Variants in FAM184A observed in about 807,000 individuals in gnomAD.
FAM184A encodes the protein family with sequence similarity 184 member A.
A neutral mutation model predicts 143.8 loss-of-function variants in FAM184A; 99 were observed. That is an observed-to-expected ratio of 0.69 (90% CI 0.58 to 0.81). The LOEUF is 0.81. Ranked by LOEUF, FAM184A falls within the 40% of genes least tolerant of loss-of-function variation. The pLI, the probability that FAM184A is intolerant of heterozygous loss-of-function variation, is 0.00. For synonymous variants in FAM184A, 427 were observed against 446.4 expected (o/e 0.96, Z 0.55); for missense variants, 1,217 against 1,310.5 (o/e 0.93, Z 1.10).
chr6:119,138,879 G>A (rs1343715783), intron 1 of FAM184A, among the ~76,000 whole-genome samples: 8 of 152,004 alleles, frequency 5.3e-5, no homozygotes, highest in Admixed American at 1.3e-4. Context: ...TGCCCTCTTC[G>A]GCCTCCAAAA....
chr6:119,141,784 T>G (rs1258072147), intron 1 of FAM184A, among the ~76,000 whole-genome samples: 3 of 152,020 alleles, frequency 2.0e-5, no homozygotes, highest in African/African-American at 7.3e-5. Context: ...GCCCCTGTGC[T>G]CCTTAAAAAA....
intron 12 of FAM184A, 87 bp downstream of exon 12, chr6:118,975,830 T>A: frequency 4.7e-6 from 6 of 1,279,446 alleles, no homozygotes; most frequent in Non-Finnish European, 5.4e-6. Flanking sequence ...TGAAAATAAG[T>A]TATTACAAAA....
chr6:119,078,070 T>C lies in FAM184A; in HGVS notation c.159+71A>G. On this transcript the variant is annotated intron_variant, in intron 1 of 17. Coordinates refer to ENST00000338891, the MANE Select transcript of FAM184A (RefSeq NM_024581.6). The surrounding 1 kb of genome is among the most constrained non-coding windows in gnomAD (Gnocchi z 5.5). ...CGCTGCGGGCGCAGGGCGCACTGCCTCCCGGGGAGACAGGTGAGTCCGGCG... is the reference window on the plus strand; with the variant it reads ...CGCTGCGGGCGCAGGGCGCACTGCCCCCCGGGGAGACAGGTGAGTCCGGCG... 1 of 1,510,718 alleles carries C rather than the reference T, an allele frequency of 6.6e-7. No homozygotes were observed. Among genetic ancestry groups the C allele is most frequent in the Non-Finnish European group, 8.8e-7 (1 of 1,130,616 alleles). 93.6% of individuals were successfully genotyped at this position (1,510,718 alleles called of 1,614,324 possible).
intron 9 of FAM184A, among the ~76,000 whole-genome samples, chr6:118,985,700 G>A (rs1784170749): frequency 1.3e-5 from 2 of 152,102 alleles, no homozygotes; most frequent in African/African-American, 2.4e-5. Context: ...AGCCCCTCTC[G>A]TAGCACCTAC....
At chr6:119,052,381 A>G (rs951292600) in intron 1 of FAM184A, among the ~76,000 whole-genome samples, 2 of 152,158 alleles carry the variant, frequency 1.3e-5, no homozygotes, top group African/African-American at 2.4e-5. Context: ...ATACATCATG[A>G]TGTCTGCACT....
chr6:119,035,096 A>T (rs914902184), intron 1 of FAM184A, among the ~76,000 whole-genome samples: 32 of 152,112 alleles, frequency 2.1e-4, no homozygotes, highest in East Asian at 3.9e-4. Flanking sequence ...GATTTTTTTT[A>T]AAAGGCTGTG....
chr6:118,968,545 A>G (rs117968859), intron 14 of FAM184A, among the ~76,000 whole-genome samples: 2,174 of 152,330 alleles, frequency 0.014, 101 homozygotes, highest in Admixed American at 0.087. Context: ...ATGGGCAAAC[A>G]TTAAGAGTCG....
chr6:119,092,107 G>A (rs1582608416), intron 1 of FAM184A, among the ~76,000 whole-genome samples: 1 of 152,136 alleles, frequency 6.6e-6, no homozygotes, highest in Non-Finnish European at 1.5e-5. Flanking sequence ...ACTCTTATTC[G>A]TATATCCACA....
At chr6:119,126,030 T>G (rs1188596408) in intron 1 of FAM184A, among the ~76,000 whole-genome samples, 1 of 152,232 alleles carries the variant, frequency 6.6e-6, no homozygotes, top group East Asian at 1.9e-4. Flanking sequence ...CTAGGTTCCT[T>G]GTTCAGGGTC....
rs747729184 is a variant in FAM184A at position 119,024,524 on chromosome 6, C to T, written c.449G>A (p.Arg150His). 5.6e-6 allele frequency: 9 copies of T among 1,613,916 alleles called. No homozygotes were observed. The East Asian group carries it at 8.9e-5, about 16-fold the overall frequency. Residue 150 changes from arginine (R) to histidine (H), a missense_variant, in exon 2 of 18, where the codon CGC becomes CAC. Arg to His is a conservative substitution (Grantham distance 29). Coordinates refer to ENST00000338891, the MANE Select transcript of FAM184A (RefSeq NM_024581.6). ...GACTTCTCTAGACATGGTCACTATG[C>T]GTTGGACATGCTGGGCTTCTGCACA... ...QLCAEAQHVQ[R>H]IVTMSREVEE...
chr6:118,988,544 TTG>T (rs1366713539), intron 9 of FAM184A, among the ~76,000 whole-genome samples: 2 of 152,230 alleles, frequency 1.3e-5, no homozygotes, highest in East Asian at 3.8e-4. Context: ...GAGAAATGAG[TTG>T]CGGTGAAAAC....
At chr6:119,039,187 TCA>T (rs1786225689) in intron 1 of FAM184A, among the ~76,000 whole-genome samples, 1 of 152,250 alleles carries the variant, frequency 6.6e-6, no homozygotes, top group Non-Finnish European at 1.5e-5. Flanking sequence ...GCAAGAACTC[TCA>T]TTTATTGCTT....
At chr6:119,033,531 G>A (rs1785970802) in intron 1 of FAM184A, among the ~76,000 whole-genome samples, 1 of 151,966 alleles carries the variant, frequency 6.6e-6, no homozygotes, top group Non-Finnish European at 1.5e-5. Context: ...TGGGCGTAGT[G>A]GCAGGTGCCT....
At chr6:118,991,918 A>G (rs1347143499) in intron 9 of FAM184A, among the ~76,000 whole-genome samples, 1 of 151,250 alleles carries the variant, frequency 6.6e-6, no homozygotes, top group Non-Finnish European at 1.5e-5. Flanking sequence ...GCTGGCCACC[A>G]CGCCCGGCTA....
intron 1 of FAM184A, among the ~76,000 whole-genome samples, chr6:119,046,158 A>T (rs1786524153): frequency 6.6e-6 from 1 of 152,192 alleles, no homozygotes; most frequent in Non-Finnish European, 1.5e-5. Flanking sequence ...AGAAAAATTT[A>T]AAATCACACC....
At chr6:118,962,742 C>G (rs1783375088) in intron 16 of FAM184A, 2 of 152,052 alleles carry the variant, frequency 1.3e-5, no homozygotes, top group Non-Finnish European at 2.9e-5. Flanking sequence ...TTATCAAAAT[C>G]TATCAGCTTG....
intron 1 of FAM184A, among the ~76,000 whole-genome samples, chr6:119,135,780 A>G (rs1789644302): frequency 1.3e-5 from 2 of 152,220 alleles, no homozygotes; most frequent in Admixed American, 1.3e-4. Flanking sequence ...GCAAAAGAAG[A>G]TTAGAATTTG....
chr6:119,094,821 C>T (rs947312476), intron 1 of FAM184A, among the ~76,000 whole-genome samples: 2 of 151,632 alleles, frequency 1.3e-5, no homozygotes, highest in African/African-American at 4.8e-5. Flanking sequence ...GGCAATTGGG[C>T]TCAAGCCTTC....
intron 9 of FAM184A, among the ~76,000 whole-genome samples, chr6:118,984,002 T>G (rs1190904785): frequency 6.6e-6 from 1 of 150,474 alleles, no homozygotes; most frequent in Non-Finnish European, 1.5e-5. Context: ...TACAAAAAAT[T>G]AGCCGGGAGT....
Sources: allele counts gnomAD v4.1 joint callset (sites outside exome capture counted in the v4.1 genomes callset), GRCh38; gene constraint gnomAD v4.1.1; non-coding constraint Gnocchi (gnomAD v3.1); transcripts MANE v1.5; gene names NCBI Gene and HGNC (gene_info 2026-07-23, HGNC 2026-07-21).